Variants in C7 observed in about 807,000 individuals in gnomAD.
C7 encodes complement component C7.
Under a neutral mutation model 104.8 loss-of-function variants are expected in C7, and 83 were observed. That is an observed-to-expected ratio of 0.79 (90% CI 0.66 to 0.95). C7 has a LOEUF of 0.95. Among genes scored for constraint, C7 ranks in the 40% least tolerant of loss-of-function variants. The pLI is 0.00. For missense variants in C7, 1,070 were observed against 1,011.2 expected, an observed-to-expected ratio of 1.06 and a Z score of -0.79; for synonymous variants, 415 against 360.6, an observed-to-expected ratio of 1.15 and a Z score of -1.71.
intron 6 of C7, among the ~76,000 whole-genome samples, chr5:40,941,130 C>T (rs1206267580): frequency 6.8e-6 from 1 of 148,006 alleles, no homozygotes; most frequent in African/African-American, 2.5e-5. Flanking sequence ...GTCGTGTGAT[C>T]TCGGCTCACT....
intron 3 of C7, among the ~76,000 whole-genome samples, chr5:40,931,670 TA>T (rs1337048240): frequency 3.9e-5 from 6 of 152,340 alleles, no homozygotes; most frequent in Admixed American, 2.0e-4. Context: ...AAAAAGCTTC[TA>T]AAAATGTTTG....
At position 40,945,247 on chromosome 5, in the gene C7, C is replaced by A. The variant is rs1454093486; in HGVS notation, c.617C>A (p.Ser206Tyr). The stretch of plus-strand genomic sequence containing the variant: ...TATGAATTTTACAATAGTACTTGGT[C>A]TTATGTAAAACATACGTCGACAGAA... ...FNYEFYNSTW[S>Y]YVKHTSTEHT... is the part of the protein sequence containing the mutation. The change falls in exon 7 of 18, where the codon TCT (serine) becomes TAT (tyrosine). Residue 206 changes from serine (S) to tyrosine (Y), a missense_variant. Transcript: ENST00000313164. The A allele has an allele frequency of 1.3e-6, 2 of 1,562,870 alleles. No individual in the cohort carries two copies. Among genetic ancestry groups the A allele is most frequent in the Non-Finnish European group, 1.7e-6 (2 of 1,150,336 alleles).
chr5:40,929,205 A>G (rs1042026286), intron 2 of C7, among the ~76,000 whole-genome samples: 6 of 152,112 alleles, frequency 3.9e-5, no homozygotes, highest in African/African-American at 1.2e-4. Flanking sequence ...AGGCACTGGG[A>G]GCATGCTGGG....
chr5:40,960,999 G>C (rs1287638900), intron 12 of C7, among the ~76,000 whole-genome samples: 1 of 151,966 alleles, frequency 6.6e-6, no homozygotes, highest in Non-Finnish European at 1.5e-5. Context: ...TTCCTTTTAG[G>C]CTTAAGATTC....
At chr5:40,950,918 G>C (rs1176671474) in intron 9 of C7, among the ~76,000 whole-genome samples, 5 of 152,182 alleles carry the variant, frequency 3.3e-5, no homozygotes, top group Non-Finnish European at 7.3e-5. Flanking sequence ...GATCTAGACT[G>C]TGAGGGTACC....
chr5:40,962,471 T>A (rs1404047269), intron 13 of C7, among the ~76,000 whole-genome samples: 1 of 152,150 alleles, frequency 6.6e-6, no homozygotes, highest in African/African-American at 2.4e-5. Context: ...AACACCAAAC[T>A]GCGAATCTAC....
At chr5:40,963,695 A>G (rs1740469398) in intron 13 of C7, among the ~76,000 whole-genome samples, 1 of 152,124 alleles carries the variant, frequency 6.6e-6, no homozygotes, top group South Asian at 2.1e-4. Flanking sequence ...AAGGAAAGAG[A>G]GACCCTAAAT....
rs1260456698 is a variant in C7 at position 40,955,474 on chromosome 5, A to G, written c.1181A>G (p.Asp394Gly). The G allele has an allele frequency of 6.2e-7, 1 of 1,613,570 alleles. No individual in the cohort carries two copies. Among genetic ancestry groups the G allele is most frequent in the South Asian group, 1.1e-5 (1 of 90,994 alleles). The change falls in exon 10 of 18, where the codon GAC becomes GGC. Residue 394 changes from aspartate (D) to glycine (G), a missense_variant. Asp to Gly is a moderately conservative substitution (Grantham distance 94, BLOSUM62 -1). Coordinates refer to ENST00000313164, the MANE Select transcript of C7 (RefSeq NM_000587.4). ...FISGLSYLEL[D>G]NPAGNKRRYS... Reference sequence around the variant, plus strand: ...TCTGGCCTTAGTTACCTAGAGCTGGACAATCCTGCTGGAAACAAAAGGCGA... The same window carrying G: ...TCTGGCCTTAGTTACCTAGAGCTGGGCAATCCTGCTGGAAACAAAAGGCGA...
chr5:40,913,399 T>C lies in C7; in HGVS notation c.6+3783T>C, dbSNP rs116501246. Among the ~76,000 whole-genome samples the C allele has an allele frequency of 1.8e-4, 27 of 152,298 alleles. 1 individual carries two copies. Among genetic ancestry groups the C allele is most frequent in the African/African-American group, 6.3e-4 (26 of 41,572 alleles). On this transcript the variant is annotated intron_variant, in intron 1 of 17. Transcript: ENST00000313164. ...TCCATACTGTTTTTTATGGAAGTTG[T>C]ACTAATTTACATTCCCACCAATAGT...
At chr5:40,979,572 A>G (rs1740893797) in intron 16 of C7, among the ~76,000 whole-genome samples, 153 bp from the exon 17 acceptor site, 1 of 149,132 alleles carries the variant, frequency 6.7e-6, no homozygotes, top group Non-Finnish European at 1.5e-5. Context: ...TGGACCTAGG[A>G]ATGAAGGGGA....
At chr5:40,919,646 T>C (rs1462881238) in intron 1 of C7, among the ~76,000 whole-genome samples, 1 of 151,820 alleles carries the variant, frequency 6.6e-6, no homozygotes, top group Non-Finnish European at 1.5e-5. Context: ...TAAATAAAAA[T>C]AAATGAATGA....
intron 14 of C7, among the ~76,000 whole-genome samples, chr5:40,966,841 G>A (rs1011094427): frequency 4.0e-5 from 6 of 151,892 alleles, no homozygotes; most frequent in African/African-American, 1.5e-4. Context: ...TTGACTGATG[G>A]GCATTGTCTT....
rs1363346238 is a variant in C7, at chr5:40,947,625, G to A, written c.762G>A (p.Glu254=). ...AGAGTTACCAACTGCTGGTTGTTGA[G>A]AACACTGTTGAAGTGGCTCAGTTCA... ...KGKSYQLLVV[E]NTVEVAQFIN... Residue 254 remains glutamate (E), a synonymous_variant, in exon 8 of 18, where the codon GAG becomes GAA. Transcript: ENST00000313164. The A allele has an allele frequency of 6.2e-7, 1 of 1,613,232 alleles. No individual in the cohort carries two copies. Among genetic ancestry groups the A allele is most frequent in the East Asian group, 2.2e-5 (1 of 44,864 alleles).
At chr5:40,943,477 G>A (rs933990108) in intron 6 of C7, among the ~76,000 whole-genome samples, 3 of 151,956 alleles carry the variant, frequency 2.0e-5, no homozygotes, top group African/African-American at 7.3e-5. Context: ...TAGGTAGATA[G>A]GAGTGAGAAG....
intron 2 of C7, among the ~76,000 whole-genome samples, chr5:40,928,894 C>T (rs973645153): frequency 6.6e-6 from 1 of 151,870 alleles, no homozygotes; most frequent in African/African-American, 2.4e-5. Context: ...GTCTCAGTGC[C>T]GTGGTTTTAT....
At chr5:40,964,020 C>CTTTTTTTTTTTTTTT (rs869250524) in intron 13 of C7, among the ~76,000 whole-genome samples, 1 of 39,862 alleles carries the variant, frequency 2.5e-5, no homozygotes, top group Admixed American at 5.3e-4. Flanking sequence ...GCTCATAATA[C>CTTTTTTTTTTTTTTT]TTTTTTTTTT....
At chr5:40,927,325 T>A (rs72749541) in intron 1 of C7, among the ~76,000 whole-genome samples, 14,545 of 151,998 alleles carry the variant, frequency 0.096, 953 homozygotes, top group East Asian at 0.31. Context: ...AAAAACTGTA[T>A]TTTTCTAGGT....
intron 9 of C7, chr5:40,954,877 CAAAAAAAAAAAAAA>C (rs35360366): frequency 9.1e-5 from 5 of 54,666 alleles, no homozygotes; most frequent in Non-Finnish European, 1.4e-4. Flanking sequence ...AATACTGTCT[CAAAAAAAAAAAAAA>C]AAAAAAAAAA....
chr5:40,935,202 G>A (rs1284571971), intron 4 of C7, among the ~76,000 whole-genome samples: 1 of 152,148 alleles, frequency 6.6e-6, no homozygotes, highest in Non-Finnish European at 1.5e-5. Flanking sequence ...ATCCCCAACT[G>A]ATAGAAGTAA....
Sources: gnomAD v4.1 joint callset for allele counts (sites outside exome capture counted in the v4.1 genomes callset) on GRCh38, gnomAD v4.1.1 for gene constraint, MANE v1.5 for transcripts, NCBI Gene and HGNC (gene_info 2026-07-23, HGNC 2026-07-21) for gene names.